The following ARHGAP21 variants were observed in gnomAD, a reference collection of about 807,000 sequenced individuals.
ARHGAP21 encodes the protein Rho GTPase activating protein 21, also known as rho GTPase-activating protein 21.
ARHGAP21 carries 38 observed loss-of-function variants against 164.6 expected under a neutral mutation model. The ratio of observed to expected loss-of-function variants is 0.23; its 90% confidence interval spans 0.18 to 0.30. The LOEUF is 0.30. Among genes scored for constraint, ARHGAP21 ranks in the 10% least tolerant of loss-of-function variants. The pLI, the probability that ARHGAP21 is intolerant of heterozygous loss-of-function variation, is 1.00. For synonymous variants in ARHGAP21, 766 were observed against 857.9 expected (o/e 0.89, Z 1.87); for missense variants, 1,822 against 2,370.7 (o/e 0.77, Z 4.81).
At chr10:24,605,192 G>C (rs1025902284) in intron 11 of ARHGAP21, among the ~76,000 whole-genome samples, 1 of 152,122 alleles carries the variant, frequency 6.6e-6, no homozygotes, top group African/African-American at 2.4e-5. Context: ...AATGGATACG[G>C]GAAGAAAGAA....
chr10:24,615,144 C>T (rs1051484967), intron 9 of ARHGAP21, among the ~76,000 whole-genome samples: 2 of 152,114 alleles, frequency 1.3e-5, no homozygotes, highest in African/African-American at 2.4e-5. Context: ...GAGCTGAGAT[C>T]GTGTCATTGC....
chr10:24,671,128 T>G (rs1840661678), intron 2 of ARHGAP21, among the ~76,000 whole-genome samples: 1 of 152,078 alleles, frequency 6.6e-6, no homozygotes, highest in African/African-American at 2.4e-5. Flanking sequence ...TGTTCTCACT[T>G]TCCTCTTAAG....
At chr10:24,591,490 T>C (rs758469522) in intron 23 of ARHGAP21, 152 bp downstream of exon 23, 1 of 1,138,334 alleles carries the variant, frequency 8.8e-7, no homozygotes, top group Non-Finnish European at 1.3e-6. Context: ...GCACCGTACT[T>C]GTATATTCAT....
chr10:24,592,192 G>T (rs534649433), intron 21 of ARHGAP21, among the ~76,000 whole-genome samples, 180 bp from the exon 22 acceptor site: 4 of 127,092 alleles, frequency 3.1e-5, no homozygotes, highest in Non-Finnish European at 4.7e-5. Flanking sequence ...CTGAGACAGG[G>T]TCTCACGTTC....
chr10:24,695,075 A>G (rs1843054063), intron 2 of ARHGAP21, among the ~76,000 whole-genome samples: 1 of 13,416 alleles, frequency 7.5e-5, no homozygotes, highest in Non-Finnish European at 2.2e-4. Flanking sequence ...AAAAAAAAAA[A>G]AAAAAAAAAA....
intron 14 of ARHGAP21, among the ~76,000 whole-genome samples, chr10:24,600,227 T>C (rs2076758988): frequency 6.6e-6 from 1 of 151,900 alleles, no homozygotes; most frequent in Non-Finnish European, 1.5e-5. Flanking sequence ...TCCATATTCT[T>C]GACTGTATAG....
intron 2 of ARHGAP21, among the ~76,000 whole-genome samples, chr10:24,671,991 A>G (rs199780202): frequency 6.6e-6 from 1 of 150,450 alleles, no homozygotes; most frequent in African/African-American, 2.5e-5. Flanking sequence ...CAGCCTCCCA[A>G]AGTGGTGGGA....
intron 4 of ARHGAP21, among the ~76,000 whole-genome samples, chr10:24,660,555 T>G (rs757939961): frequency 2.0e-5 from 3 of 152,138 alleles, no homozygotes; most frequent in Non-Finnish European, 2.9e-5. Flanking sequence ...TTGAAAAGTC[T>G]CCCATCAGTA....
chr10:24,608,472 A>C (rs1363853017), intron 9 of ARHGAP21, among the ~76,000 whole-genome samples: 3 of 152,212 alleles, frequency 2.0e-5, no homozygotes, highest in Non-Finnish European at 4.4e-5. Context: ...AGTGATTTAA[A>C]TTCTAATACT....
chr10:24,709,076 G>A (rs999309414), intron 2 of ARHGAP21, among the ~76,000 whole-genome samples: 6 of 152,066 alleles, frequency 3.9e-5, no homozygotes, highest in Non-Finnish European at 5.9e-5. Flanking sequence ...AAAAGGAGAC[G>A]TTACAACTGA....
intron 4 of ARHGAP21, among the ~76,000 whole-genome samples, chr10:24,652,475 G>C (rs1838282139): frequency 6.6e-6 from 1 of 152,090 alleles, no homozygotes; most frequent in African/African-American, 2.4e-5. Flanking sequence ...AGGAAAGACT[G>C]ATCATTCAGA....
At chr10:24,605,365 T>C (rs2076979083) in intron 11 of ARHGAP21, among the ~76,000 whole-genome samples, 1 of 152,340 alleles carries the variant, frequency 6.6e-6, no homozygotes, top group South Asian at 2.1e-4. Flanking sequence ...TGAGGAAACA[T>C]ACAGTCCTGC....
At chr10:24,603,408 TGAG>T (rs2076894698) in intron 12 of ARHGAP21, among the ~76,000 whole-genome samples, 1 of 152,158 alleles carries the variant, frequency 6.6e-6, no homozygotes, top group African/African-American at 2.4e-5. Flanking sequence ...GTGTGTGGGC[TGAG>T]AAGAAGTAGA....
At chr10:24,660,556 C>T (rs1033936022) in intron 4 of ARHGAP21, among the ~76,000 whole-genome samples, 2 of 152,098 alleles carry the variant, frequency 1.3e-5, no homozygotes, top group African/African-American at 4.8e-5. Context: ...TGAAAAGTCT[C>T]CCATCAGTAC....
rs1350804808 is a variant in ARHGAP21, at chr10:24,585,035, C to T, written c.5254G>A (p.Gly1752Ser). ...GTGGGTTCCTGTTTTTCGGATTCGCCTCTGGTGGGTGTCAGTAAACTCCCA... is the reference window on the plus strand; with the variant it reads ...GTGGGTTCCTGTTTTTCGGATTCGCTTCTGGTGGGTGTCAGTAAACTCCCA... ...STGSLLTPTRGESEKQEPTWK... is the reference protein window; with the variant it reads ...STGSLLTPTRSESEKQEPTWK... Residue 1752 changes from glycine (G) to serine (S), a missense_variant, in exon 26 of 26, where the codon GGC becomes AGC. This residue lies in a region of ARHGAP21 where 117 missense variants were observed against 193.2 expected (regional missense o/e 0.61). Coordinates refer to ENST00000396432, the MANE Select transcript of ARHGAP21 (RefSeq NM_020824.4). 3.1e-6 allele frequency: 5 copies of T among 1,613,814 alleles called. No individual in the cohort carries two copies. In the African/African-American group the frequency reaches 6.7e-5, roughly 22 times the overall value.
In ARHGAP21 at chr10:24,666,966, TA is replaced by T; in HGVS notation, c.268+18del. ...GGTAGAAAAACATTCAGAGATAAAT[TA>T]AAATGTTTATAGCATACCTCCTCTG... On this transcript the variant is annotated intron_variant, in intron 4 of 25. Coordinates refer to ENST00000396432, the MANE Select transcript of ARHGAP21 (RefSeq NM_020824.4). The T allele has an allele frequency of 7.0e-7, 1 of 1,423,618 alleles. No homozygotes were observed. Among genetic ancestry groups the T allele is most frequent in the South Asian group, 1.2e-5 (1 of 80,700 alleles). 88.2% of individuals were successfully genotyped at this position (1,423,618 alleles called of 1,614,324 possible).
Position 24,596,711 on chromosome 10 carries a change from A to G in ARHGAP21, c.3477+29T>C, listed in dbSNP as rs758955849. 4 of 1,613,066 alleles carry G rather than the reference A, an allele frequency of 2.5e-6. No individual in the cohort carries two copies. The African/African-American group carries it at 5.3e-5, about 22-fold the overall frequency. The stretch of plus-strand genomic sequence containing the variant: ...TAATCAAAACTGAATTAATGACTTG[A>G]GGAAATCCGGTGGGCTGGTGTCTCC... On this transcript the variant is annotated intron_variant, in intron 17 of 25. Transcript: ENST00000396432.
rs140214113 is a variant in ARHGAP21, at chr10:24,611,211, G to A, written c.2423-3308C>T. Among the ~76,000 whole-genome samples, 234 of 152,236 alleles carry A rather than the reference G, an allele frequency of 1.5e-3. 5 individuals are homozygous for A. The East Asian group carries it at 0.038, about 25-fold the overall frequency. ...TCCACAGAGACTGGCCAAGGGGCGA[G>A]AACCACGCAGTCAGGGCCCCTTATA... On this transcript the variant is annotated intron_variant, in intron 9 of 25. Transcript: ENST00000396432.
At chr10:24,614,317 G>A (rs1031525349) in intron 9 of ARHGAP21, among the ~76,000 whole-genome samples, 5 of 152,112 alleles carry the variant, frequency 3.3e-5, no homozygotes, top group African/African-American at 4.8e-5. Flanking sequence ...CTACAATTAC[G>A]AATCCACTAA....
Sources: allele counts gnomAD v4.1 joint callset (sites outside exome capture counted in the v4.1 genomes callset), GRCh38; gene constraint gnomAD v4.1.1; regional missense constraint gnomAD v4.1.1; transcripts MANE v1.5; gene names NCBI Gene and HGNC (gene_info 2026-07-23, HGNC 2026-07-21).